Variants in VPS13D observed in about 807,000 individuals in gnomAD.
VPS13D encodes the protein intermembrane lipid transfer protein VPS13D.
A neutral mutation model predicts 461.9 loss-of-function variants in VPS13D; 187 were observed. The ratio of observed to expected loss-of-function variants is 0.40; its 90% CI spans 0.36 to 0.46. The LOEUF is 0.46. VPS13D is among the 20% of genes least tolerant of loss of function. The probability of loss-of-function intolerance (pLI) is 0.60; values close to 1 mark genes in which losing one functional copy is unlikely to be tolerated. For synonymous variants in VPS13D, 1,951 were observed against 1,986.3 expected, an observed-to-expected ratio of 0.98 and a Z score of 0.47; for missense variants, 4,711 against 5,364.9, an observed-to-expected ratio of 0.88 and a Z score of 3.81.
At chr1:12,338,328 C>A (rs1011310204) in intron 40 of VPS13D, 23 bp downstream of exon 40, 3 of 1,607,758 alleles carry the variant, frequency 1.9e-6, no homozygotes, top group Non-Finnish European at 2.6e-6. Context: ...CAAGCGAGGG[C>A]TTGCTTTATT....
intron 67 of VPS13D, among the ~76,000 whole-genome samples, chr1:12,470,439 A>G (rs1436366440): frequency 6.6e-6 from 1 of 152,248 alleles, no homozygotes; most frequent in Non-Finnish European, 1.5e-5. Context: ...TAGTGAGAAG[A>G]TGCAAACCTT....
chr1:12,445,653 A>G (rs1645182916), intron 65 of VPS13D, among the ~76,000 whole-genome samples: 1 of 152,240 alleles, frequency 6.6e-6, no homozygotes, highest in Non-Finnish European at 1.5e-5. Flanking sequence ...ACTGTTGGGA[A>G]GTAGCTAAGC....
chr1:12,405,111 G>A (rs1644634776), intron 63 of VPS13D, among the ~76,000 whole-genome samples: 1 of 152,252 alleles, frequency 6.6e-6, no homozygotes, highest in Non-Finnish European at 1.5e-5. Context: ...GATGCAGCGA[G>A]TGGAGCTGCA....
chr1:12,243,711 C>T (rs566196894), intron 3 of VPS13D, among the ~76,000 whole-genome samples: 4 of 152,204 alleles, frequency 2.6e-5, no homozygotes, highest in South Asian at 2.1e-4. Flanking sequence ...TCTACCGAGC[C>T]GTTTGGCTTT....
chr1:12,246,422 T>C (rs141293433), intron 5 of VPS13D, among the ~76,000 whole-genome samples: 44 of 152,322 alleles, frequency 2.9e-4, no homozygotes, highest in African/African-American at 9.6e-4. Flanking sequence ...GAAATGCTCA[T>C]TGGAGCATTT....
intron 67 of VPS13D, among the ~76,000 whole-genome samples, chr1:12,483,019 A>C (rs1645745390): frequency 6.6e-6 from 1 of 152,152 alleles, no homozygotes; most frequent in Non-Finnish European, 1.5e-5. Context: ...CATATATCCC[A>C]TCTTACTTGA....
chr1:12,264,851 A>G (rs1641218968), intron 13 of VPS13D, among the ~76,000 whole-genome samples: 1 of 152,240 alleles, frequency 6.6e-6, no homozygotes, highest in African/African-American at 2.4e-5. Context: ...AGAAAATGCC[A>G]TCTAGGACTT....
intron 21 of VPS13D, among the ~76,000 whole-genome samples, 179 bp downstream of exon 21, chr1:12,283,915 T>TA (rs1179270477): frequency 9.9e-5 from 15 of 152,238 alleles, no homozygotes; most frequent in Admixed American, 9.2e-4. Flanking sequence ...GGTTTTACTG[T>TA]AAATCCCATC....
At chr1:12,424,753 T>C (rs1364387014) in intron 65 of VPS13D, among the ~76,000 whole-genome samples, 1 of 152,226 alleles carries the variant, frequency 6.6e-6, no homozygotes, top group Non-Finnish European at 1.5e-5. Context: ...TAATGGTAGT[T>C]CAGTTAAGAA....
chr1:12,349,387 A>G lies in VPS13D; in HGVS notation c.9431+13A>G. The G allele has an allele frequency of 6.2e-7, 1 of 1,612,214 alleles. No individual in the cohort carries two copies. Among genetic ancestry groups the G allele is most frequent in the African/African-American group, 1.3e-5 (1 of 74,958 alleles). ...GCCGATTTTTCAGGTATGTAGCACC[A>G]CTGCAGTGACATGTCACTTTTGCCT... is the stretch of plus-strand genomic sequence containing the variant. On this transcript the variant is annotated intron_variant, in intron 46 of 69. Coordinates refer to ENST00000620676, the MANE Select transcript of VPS13D (RefSeq NM_015378.4).
intron 18 of VPS13D, 62 bp from the exon 19 acceptor site, chr1:12,275,763 A>G (rs770934764): frequency 1.9e-5 from 29 of 1,489,072 alleles, no homozygotes; most frequent in African/African-American, 4.2e-5. Context: ...TAATTATTAC[A>G]TTAAGGGAAA....
chr1:12,322,476 G>T, intron 33 of VPS13D, 60 bp from the exon 34 acceptor site: 2 of 1,506,328 alleles, frequency 1.3e-6, no homozygotes, highest in East Asian at 2.3e-5. Flanking sequence ...ATCTGTAAGA[G>T]ATATGGATGT....
rs1640654753 is a variant in VPS13D, at chr1:12,249,218, T to C, written c.448-5T>C. On this transcript the variant is annotated splice_region_variant and splice_polypyrimidine_tract_variant and intron_variant, in intron 5 of 69. Transcript: ENST00000620676. The stretch of plus-strand genomic sequence containing the variant: ...TCAGCTGCTTTTTCTTTTTTCTCTT[T>C]GCAGTTAAAAATTCAAGATGTCCAT... 1 of 1,606,436 alleles carries C rather than the reference T, an allele frequency of 6.2e-7. No homozygotes were observed. Among genetic ancestry groups the C allele is most frequent in the Non-Finnish European group, 8.5e-7 (1 of 1,175,448 alleles).
At position 12,253,813 on chromosome 1, in the gene VPS13D, A is replaced by C. The variant is rs1640819617; in HGVS notation, c.656A>C (p.Gln219Pro). 2 of 1,613,998 alleles carry C rather than the reference A, an allele frequency of 1.2e-6. No individual in the cohort carries two copies. The highest frequency in any genetic ancestry group is 1.7e-6 in the Non-Finnish European group (2 of 1,179,908). ...TGCACTTTACTGGGGGATTTGCCTCAGATGGAGTTACAGGTACGATTTCGG... is the reference window on the plus strand; with the variant it reads ...TGCACTTTACTGGGGGATTTGCCTCCGATGGAGTTACAGGTACGATTTCGG... ...VDCTLLGDLP[Q>P]MELQEAMARS... The change falls in exon 7 of 70, where the codon CAG becomes CCG. Residue 219 changes from glutamine to proline, a missense_variant. Transcript: ENST00000620676.
intron 27 of VPS13D, among the ~76,000 whole-genome samples, chr1:12,309,156 G>A (rs574999129): frequency 3.6e-4 from 54 of 151,834 alleles, no homozygotes; most frequent in African/African-American, 1.3e-3. Flanking sequence ...TTTGTTGAGG[G>A]ATACAGGTAG....
intron 27 of VPS13D, among the ~76,000 whole-genome samples, chr1:12,310,709 C>G (rs182433287): frequency 6.6e-6 from 1 of 152,110 alleles, no homozygotes; most frequent in Non-Finnish European, 1.5e-5. Flanking sequence ...TGAGGTTTTC[C>G]TTATTAATAG....
At chr1:12,433,931 T>TGAGAGA (rs374176072) in intron 65 of VPS13D, among the ~76,000 whole-genome samples, 38 of 126,528 alleles carry the variant, frequency 3.0e-4, no homozygotes, top group South Asian at 1.8e-3. Flanking sequence ...AGAGAGAGAG[T>TGAGAGA]GAGAGAGAGA....
intron 50 of VPS13D, 37 bp from the exon 51 acceptor site, chr1:12,362,683 A>G (rs920781354): frequency 1.4e-5 from 22 of 1,600,588 alleles, no homozygotes; most frequent in Non-Finnish European, 1.9e-5. Flanking sequence ...TTCTCTCTTC[A>G]TGGTTAACTC....
At chr1:12,450,116 C>A (rs1227954349) in intron 65 of VPS13D, among the ~76,000 whole-genome samples, 1 of 151,920 alleles carries the variant, frequency 6.6e-6, no homozygotes, top group Non-Finnish European at 1.5e-5. Context: ...GACTGAGACT[C>A]AGCCAGCAAA....
Sources: gnomAD v4.1 joint callset for allele counts (sites outside exome capture counted in the v4.1 genomes callset) on GRCh38, gnomAD v4.1.1 for gene constraint, MANE v1.5 for transcripts, NCBI Gene and HGNC (gene_info 2026-07-23, HGNC 2026-07-21) for gene names.